The following ZNF804A variants were observed in gnomAD, a reference collection of about 807,000 sequenced individuals.
ZNF804A encodes zinc finger protein 804A.
In ZNF804A, 2 loss-of-function variants were observed where a neutral mutation model predicts 16.5. The ratio of observed to expected loss-of-function variants is 0.12; its 90% confidence interval spans 0.05 to 0.38. The LOEUF (loss-of-function observed/expected upper bound fraction) is 0.38. ZNF804A is among the 10% of genes least tolerant of loss of function. The probability of loss-of-function intolerance (pLI) is 0.99; values close to 1 mark genes in which losing one functional copy is unlikely to be tolerated. For synonymous variants in ZNF804A, 534 were observed against 489.6 expected (o/e 1.09, Z -1.20); for missense variants, 1,473 against 1,390.7 (o/e 1.06, Z -0.94).
intron 1 of ZNF804A, among the ~76,000 whole-genome samples, chr2:184,806,413 A>C (rs765508711): frequency 1.6e-4 from 24 of 151,934 alleles, no homozygotes; most frequent in Non-Finnish European, 2.9e-4. Context: ...GGATATAAAC[A>C]TTTCATCAAC....
At chr2:184,686,401 T>C (rs1692633198) in intron 1 of ZNF804A, among the ~76,000 whole-genome samples, 1 of 152,220 alleles carries the variant, frequency 6.6e-6, no homozygotes, top group Non-Finnish European at 1.5e-5. Context: ...TACCACTCTT[T>C]ATCTACATCA....
At chr2:184,727,201 T>A (rs1444420242) in intron 1 of ZNF804A, among the ~76,000 whole-genome samples, 1 of 151,550 alleles carries the variant, frequency 6.6e-6, no homozygotes, top group Non-Finnish European at 1.5e-5. Flanking sequence ...CCCTCACACA[T>A]CTTGAGCATT....
chr2:184,796,844 T>G (rs1170601630), intron 1 of ZNF804A, among the ~76,000 whole-genome samples: 1 of 151,916 alleles, frequency 6.6e-6, no homozygotes, highest in Non-Finnish European at 1.5e-5. Flanking sequence ...TTGTTCAATT[T>G]GAAGAATTAT....
rs1691208303 is a variant in ZNF804A at position 184,609,824 on chromosome 2, C to G, written c.111+10754C>G. 2.0e-5 allele frequency among the ~76,000 whole-genome samples: 3 copies of G among 152,180 alleles called. No individual in the cohort carries two copies. The South Asian group carries it at 6.2e-4, about 31-fold the overall frequency. On this transcript the variant is annotated intron_variant, in intron 1 of 3. Coordinates refer to ENST00000302277, the MANE Select transcript of ZNF804A (RefSeq NM_194250.2). ...TTCAGCATATGTATTTTGGGGGATA[C>G]AGAAGTCACATTCATAGCACCCATC... is the stretch of plus-strand genomic sequence containing the variant.
intron 1 of ZNF804A, among the ~76,000 whole-genome samples, chr2:184,853,420 T>C (rs1339975303): frequency 2.0e-5 from 3 of 151,864 alleles, no homozygotes; most frequent in Non-Finnish European, 4.4e-5. Context: ...GGATAGGACT[T>C]CCAATACTAT....
chr2:184,685,117 T>C (rs1692606692), intron 1 of ZNF804A, among the ~76,000 whole-genome samples: 1 of 152,082 alleles, frequency 6.6e-6, no homozygotes. Flanking sequence ...GTCTAGCCAC[T>C]GCACACAGCC....
At chr2:184,898,422 A>G (rs1168640020) in intron 2 of ZNF804A, among the ~76,000 whole-genome samples, 1 of 152,072 alleles carries the variant, frequency 6.6e-6, no homozygotes, top group Non-Finnish European at 1.5e-5. Flanking sequence ...TGCTTGTGGA[A>G]TATAGAACAC....
chr2:184,754,700 T>C (rs1377381584), intron 1 of ZNF804A, among the ~76,000 whole-genome samples: 1 of 151,938 alleles, frequency 6.6e-6, no homozygotes, highest in Non-Finnish European at 1.5e-5. Flanking sequence ...GTGTTATCTG[T>C]ATTTATTTAT....
At chr2:184,884,798 T>A (rs1237038765) in intron 2 of ZNF804A, among the ~76,000 whole-genome samples, 1 of 152,148 alleles carries the variant, frequency 6.6e-6, no homozygotes. Flanking sequence ...GGCAAAGTTT[T>A]CATGATAAAG....
intron 1 of ZNF804A, among the ~76,000 whole-genome samples, chr2:184,766,978 A>T (rs1337744300): frequency 1.3e-5 from 2 of 152,142 alleles, no homozygotes; most frequent in African/African-American, 4.8e-5. Flanking sequence ...GAACAGCAGG[A>T]CATACCAGAG....
rs576745514 is a variant in ZNF804A at position 184,753,689 on chromosome 2, CTCTT to C, written c.112-112676_112-112673del. Among the ~76,000 whole-genome samples, 512 of 151,922 alleles carry C rather than the reference CTCTT, an allele frequency of 3.4e-3. 6 individuals carry two copies. The highest frequency in any genetic ancestry group is 0.012 in the African/African-American group (482 of 41,502). Reference sequence around the variant, plus strand: ...AATGTTAGCAACTTCTCTTTGAACACTCTTTCTAAATCCAATTTAGTAATCTCCA... The same window carrying C: ...AATGTTAGCAACTTCTCTTTGAACACTCTAAATCCAATTTAGTAATCTCCA... On this transcript the variant is annotated intron_variant, in intron 1 of 3. Transcript: ENST00000302277.
chr2:184,769,054 A>T (rs1291701318), intron 1 of ZNF804A, among the ~76,000 whole-genome samples: 2 of 151,966 alleles, frequency 1.3e-5, no homozygotes, highest in African/African-American at 2.4e-5. Context: ...GCTTTTATTC[A>T]TATGTTTTAT....
chr2:184,721,633 G>T (rs867683200), intron 1 of ZNF804A, among the ~76,000 whole-genome samples: 1 of 152,076 alleles, frequency 6.6e-6, no homozygotes, highest in African/African-American at 2.4e-5. Flanking sequence ...TACACTGTTG[G>T]TGGAAATGTA....
chr2:184,815,414 A>G (rs1378803293), intron 1 of ZNF804A, among the ~76,000 whole-genome samples: 1 of 151,860 alleles, frequency 6.6e-6, no homozygotes, highest in Non-Finnish European at 1.5e-5. Context: ...ATATGAGGGT[A>G]TTGTGCTATG....
At chr2:184,873,058 C>A (rs1406665893) in intron 2 of ZNF804A, among the ~76,000 whole-genome samples, 1 of 152,220 alleles carries the variant, frequency 6.6e-6, no homozygotes, top group East Asian at 1.9e-4. Flanking sequence ...AGAGATTGAT[C>A]TTTTCTTCAT....
intron 1 of ZNF804A, among the ~76,000 whole-genome samples, chr2:184,692,886 A>T (rs995382776): frequency 6.6e-6 from 1 of 152,016 alleles, no homozygotes; most frequent in Non-Finnish European, 1.5e-5. Flanking sequence ...TCAGACAAAT[A>T]AAAAAAATAC....
chr2:184,601,075 G>T (rs920254973), intron 1 of ZNF804A, among the ~76,000 whole-genome samples: 1 of 151,988 alleles, frequency 6.6e-6, no homozygotes, highest in Non-Finnish European at 1.5e-5. Flanking sequence ...ATTTTAAAAC[G>T]GCCCAAGTTT....
intron 2 of ZNF804A, among the ~76,000 whole-genome samples, chr2:184,915,124 G>A (rs559080677): frequency 4.3e-4 from 65 of 151,848 alleles, no homozygotes; most frequent in Non-Finnish European, 7.8e-4. Context: ...AAGAAAATGG[G>A]AAATAACATA....
At chr2:184,750,908 A>C (rs1693867997) in intron 1 of ZNF804A, among the ~76,000 whole-genome samples, 2 of 151,346 alleles carry the variant, frequency 1.3e-5, no homozygotes, top group South Asian at 4.1e-4. Context: ...CTTAGATTTT[A>C]CATATAAGTG....
Sources: allele counts gnomAD v4.1 joint callset (sites outside exome capture counted in the v4.1 genomes callset), GRCh38; gene constraint gnomAD v4.1.1; transcripts MANE v1.5; gene names NCBI Gene and HGNC (gene_info 2026-07-23, HGNC 2026-07-21).